Variants in GMEB1 observed in about 807,000 individuals in gnomAD.
GMEB1 encodes glucocorticoid modulatory element binding protein 1.
A neutral mutation model predicts 52.4 loss-of-function variants in GMEB1; 6 were observed. That is an observed-to-expected ratio of 0.11 (90% confidence interval 0.06 to 0.23). The LOEUF (loss-of-function observed/expected upper bound fraction) is 0.23, where lower values mean the gene tolerates loss of function less well. GMEB1 is among the 10% of genes least tolerant of loss of function. The pLI, the probability that GMEB1 is intolerant of heterozygous loss-of-function variation, is 1.00. For missense variants in GMEB1, 486 were observed against 685.6 expected, an observed-to-expected ratio of 0.71 and a Z score of 3.25; for synonymous variants, 255 against 244.9, an observed-to-expected ratio of 1.04 and a Z score of -0.38.
chr1:28,710,816 G>A (rs1294249228), intron 9 of GMEB1, among the ~76,000 whole-genome samples, 174 bp downstream of exon 9: 1 of 151,040 alleles, frequency 6.6e-6, no homozygotes, highest in African/African-American at 2.4e-5. Context: ...AACAAAAGAG[G>A]CACAAAGGAA....
At chr1:28,694,487 C>G (rs559287231) in intron 5 of GMEB1, among the ~76,000 whole-genome samples, 120 of 149,020 alleles carry the variant, frequency 8.1e-4, no homozygotes, top group African/African-American at 2.8e-3. Context: ...AGCCACCATG[C>G]CTGGCCTAAG....
intron 1 of GMEB1, among the ~76,000 whole-genome samples, chr1:28,681,044 A>G (rs972639991): frequency 5.3e-5 from 8 of 151,990 alleles, no homozygotes; most frequent in Admixed American, 4.6e-4. Flanking sequence ...AACTCTGTCT[A>G]AAAAAACAAA....
At chr1:28,686,138 C>A (rs551646602) in intron 2 of GMEB1, among the ~76,000 whole-genome samples, 57 of 152,028 alleles carry the variant, frequency 3.7e-4, no homozygotes, top group African/African-American at 1.3e-3. Flanking sequence ...CCCAGGAGTT[C>A]AAAACCAGCC....
chr1:28,697,536 T>C (rs1185015131), intron 6 of GMEB1, among the ~76,000 whole-genome samples: 2 of 152,112 alleles, frequency 1.3e-5, no homozygotes, highest in African/African-American at 4.8e-5. Flanking sequence ...TCAATTCTCA[T>C]GAACATTGAT....
chr1:28,702,381 A>AT, intron 6 of GMEB1, 57 bp from the exon 7 acceptor site: 1 of 1,456,618 alleles, frequency 6.9e-7, no homozygotes, highest in Non-Finnish European at 9.6e-7. Context: ...GAGATATAGG[A>AT]TAGCTATAAC....
At chr1:28,690,224 T>TTG in intron 3 of GMEB1, 38 bp downstream of exon 3, 1 of 951,988 alleles carries the variant, frequency 1.1e-6, no homozygotes, top group Non-Finnish European at 1.6e-6. Context: ...TTTTTTTTTT[T>TTG]GTCATTCTAA....
Position 28,714,903 on chromosome 1 carries a change from T to C in GMEB1, c.*130T>C, listed in dbSNP as rs1671223745. 1 of 698,542 alleles carries C rather than the reference T, an allele frequency of 1.4e-6. No individual in the cohort carries two copies. The highest frequency in any genetic ancestry group is 2.3e-6 in the Non-Finnish European group (1 of 431,070). The allele number at this position is 698,542 out of a possible 1,614,324, so 43.3% of individuals were successfully genotyped here. A position where few individuals can be genotyped will look rare whatever the true frequency, so the allele number is the denominator to read the frequency against. ...AAAAAAAAACAAAATCTTATTGTTG[T>C]AACTGAAAATGTTGGGTTCTTCCCA... On this transcript the variant is annotated 3_prime_UTR_variant, in exon 10 of 10. Transcript: ENST00000373816.
At position 28,716,587 on chromosome 1, in the gene GMEB1, A is replaced by G. The variant is rs965452679; in HGVS notation, c.*1814A>G. On this transcript the variant is annotated 3_prime_UTR_variant, in exon 10 of 10. Transcript: ENST00000373816. ...TTCTGTGAGATACTGAGATCATAAA[A>G]AGCTTTAGGCTTGGCAGAGAGGACT... 3.3e-5 allele frequency: 5 copies of G among 152,112 alleles called. No homozygotes were observed. Among genetic ancestry groups the G allele is most frequent in the African/African-American group, 1.2e-4 (5 of 41,408 alleles). The allele number at this position is 152,112 out of a possible 1,614,324, so 9.4% of individuals were successfully genotyped here. A position where few individuals can be genotyped will look rare whatever the true frequency, so the allele number is the denominator to read the frequency against.
Position 28,683,788 on chromosome 1 carries a change from A to G in GMEB1, c.128+48A>G, listed in dbSNP as rs768139900. 3 of 1,572,954 alleles carry G rather than the reference A, an allele frequency of 1.9e-6. No homozygotes were observed. In the South Asian group the frequency reaches 3.4e-5, roughly 18 times the overall value. On this transcript the variant is annotated intron_variant, in intron 2 of 9. Coordinates refer to ENST00000373816, the MANE Select transcript of GMEB1 (RefSeq NM_001319674.2). The stretch of plus-strand genomic sequence containing the variant: ...ATTCTGAAGTATTTTGGGAAGCTTC[A>G]AGGGTGGGGAAATTATAACTTTATG...
At chr1:28,687,394 A>AAAAAAAAAAAAAAAAAAAG (rs1669728366) in intron 2 of GMEB1, among the ~76,000 whole-genome samples, 1 of 146,984 alleles carries the variant, frequency 6.8e-6, no homozygotes. Context: ...ACACAAAAAA[A>AAAAAAAAAAAAAAAAAAAG]GACAGTGGAG....
intron 2 of GMEB1, among the ~76,000 whole-genome samples, chr1:28,687,317 C>G (rs1570398345): frequency 7.7e-6 from 1 of 130,460 alleles, no homozygotes; most frequent in African/African-American, 2.9e-5. Context: ...GCCTGGGCAA[C>G]AGAATGAGAC....
chr1:28,685,036 C>G (rs1669574179), intron 2 of GMEB1, among the ~76,000 whole-genome samples: 1 of 151,904 alleles, frequency 6.6e-6, no homozygotes, highest in Non-Finnish European at 1.5e-5. Flanking sequence ...TACAGAGGCT[C>G]CTTATGTGTT....
chr1:28,677,165 T>C (rs930377245), intron 1 of GMEB1, among the ~76,000 whole-genome samples: 1 of 152,138 alleles, frequency 6.6e-6, no homozygotes, highest in East Asian at 1.9e-4. Context: ...TATCACATTA[T>C]GTAAATATGC....
chr1:28,692,295 G>A (rs533984246), intron 4 of GMEB1, among the ~76,000 whole-genome samples: 18 of 152,184 alleles, frequency 1.2e-4, no homozygotes, highest in African/African-American at 4.1e-4. Flanking sequence ...ACTTTGGGAG[G>A]CTGAGGTGAG....
At chr1:28,693,067 A>G in intron 5 of GMEB1, 22 bp downstream of exon 5, 2 of 1,270,414 alleles carry the variant, frequency 1.6e-6, no homozygotes, top group Non-Finnish European at 2.2e-6. Flanking sequence ...TGTCAAGCAC[A>G]TACCTTTCAA....
At chr1:28,673,638 G>A (rs1669004661) in intron 1 of GMEB1, among the ~76,000 whole-genome samples, 1 of 152,148 alleles carries the variant, frequency 6.6e-6, no homozygotes, top group Non-Finnish European at 1.5e-5. Context: ...AATTTAGAGT[G>A]GGTCAGAAAT....
chr1:28,674,104 C>G (rs749849169), intron 1 of GMEB1, among the ~76,000 whole-genome samples: 21 of 151,296 alleles, frequency 1.4e-4, no homozygotes, highest in Non-Finnish European at 2.2e-4. Context: ...GAGCCAAGAC[C>G]CTGCCATTGC....
chr1:28,678,529 T>C (rs1039111214), intron 1 of GMEB1, among the ~76,000 whole-genome samples: 1 of 152,186 alleles, frequency 6.6e-6, no homozygotes, highest in African/African-American at 2.4e-5. Flanking sequence ...CAGGATGGTC[T>C]TGATCTCCTG....
Position 28,714,563 on chromosome 1 carries a change from A to G in GMEB1, c.1482A>G (p.Leu494=), listed in dbSNP as rs578157917. 4 of 1,614,170 alleles carry G rather than the reference A, an allele frequency of 2.5e-6. No homozygotes were observed. In the East Asian group the frequency reaches 6.7e-5, roughly 27 times the overall value. ...AATTGGTGGCCATGGAGTCCGGCCT[A>G]ACCTCGGCAATTCAGGCTGTTGAAA... is the stretch of plus-strand genomic sequence containing the variant. ...PVELVAMESG[L]TSAIQAVEST... The change falls in exon 10 of 10, where the codon CTA becomes CTG. Residue 494 remains leucine (L), a synonymous_variant. Coordinates refer to ENST00000373816, the MANE Select transcript of GMEB1 (RefSeq NM_001319674.2).
Sources: gnomAD v4.1 joint callset for allele counts (sites outside exome capture counted in the v4.1 genomes callset) on GRCh38, gnomAD v4.1.1 for gene constraint, MANE v1.5 for transcripts, NCBI Gene and HGNC (gene_info 2026-07-23, HGNC 2026-07-21) for gene names.